The following CNTNAP2 variants were observed in gnomAD, a reference collection of about 807,000 sequenced individuals.
CNTNAP2 encodes the protein contactin-associated protein-like 2.
A neutral mutation model predicts 155.2 loss-of-function variants in CNTNAP2; 98 were observed. That is an observed-to-expected ratio of 0.63 (90% CI 0.54 to 0.75). The LOEUF is 0.75. Among genes scored for constraint, CNTNAP2 ranks in the 30% least tolerant of loss-of-function variants. The pLI, the probability that CNTNAP2 is intolerant of heterozygous loss-of-function variation, is 0.00. For synonymous variants in CNTNAP2, 651 were observed against 631.2 expected, an observed-to-expected ratio of 1.03 and a Z score of -0.47; for missense variants, 1,727 against 1,688.1, an observed-to-expected ratio of 1.02 and a Z score of -0.40.
intron 1 of CNTNAP2, among the ~76,000 whole-genome samples, chr7:146,338,483 C>T (rs979981433): frequency 1.3e-5 from 2 of 152,086 alleles, no homozygotes; most frequent in African/African-American, 4.8e-5. Context: ...GAGGATTACT[C>T]GTAGCCCATC....
At chr7:146,268,601 C>T (rs1387266839) in intron 1 of CNTNAP2, among the ~76,000 whole-genome samples, 1 of 152,054 alleles carries the variant, frequency 6.6e-6, no homozygotes, top group Non-Finnish European at 1.5e-5. Flanking sequence ...TTTCCATCTC[C>T]ACCACCAAAA....
chr7:146,423,651 T>G (rs960850257), intron 1 of CNTNAP2, among the ~76,000 whole-genome samples: 8 of 152,216 alleles, frequency 5.3e-5, no homozygotes, highest in Non-Finnish European at 1.0e-4. Flanking sequence ...CTTGTCCAAA[T>G]GCTCTGCGTC....
At chr7:147,657,683 A>C (rs1008291744) in intron 13 of CNTNAP2, among the ~76,000 whole-genome samples, 3 of 152,204 alleles carry the variant, frequency 2.0e-5, no homozygotes, top group African/African-American at 7.2e-5. Flanking sequence ...TATATGTAGG[A>C]TAAAGGTATA....
At chr7:146,926,872 T>C (rs1004280899) in intron 3 of CNTNAP2, among the ~76,000 whole-genome samples, 1 of 152,162 alleles carries the variant, frequency 6.6e-6, no homozygotes, top group Non-Finnish European at 1.5e-5. Context: ...AAAAATGTGA[T>C]ACATTTTAGA....
At chr7:147,083,673 C>T (rs1800194007) in intron 4 of CNTNAP2, among the ~76,000 whole-genome samples, 1 of 141,252 alleles carries the variant, frequency 7.1e-6, no homozygotes, top group African/African-American at 2.6e-5. Context: ...ATATATAATA[C>T]ATATTATATA....
intron 10 of CNTNAP2, among the ~76,000 whole-genome samples, chr7:147,456,276 A>G (rs1056834681): frequency 6.6e-5 from 10 of 152,140 alleles, no homozygotes; most frequent in African/African-American, 2.4e-4. Context: ...GAGGCCTACA[A>G]CTTGGGGAGA....
At chr7:147,788,882 T>C (rs1797775695) in intron 13 of CNTNAP2, among the ~76,000 whole-genome samples, 2 of 149,650 alleles carry the variant, frequency 1.3e-5, no homozygotes, top group South Asian at 4.2e-4. Flanking sequence ...CAGTAGGATA[T>C]ACTTTTTTTT....
intron 18 of CNTNAP2, among the ~76,000 whole-genome samples, chr7:148,176,354 T>C (rs1019877721): frequency 2.6e-5 from 4 of 151,758 alleles, no homozygotes; most frequent in Admixed American, 6.6e-5. Flanking sequence ...CCCGAGTAGC[T>C]GGGATTACAG....
At chr7:147,116,783 G>A (rs542355543) in intron 5 of CNTNAP2, among the ~76,000 whole-genome samples, 78 of 152,270 alleles carry the variant, frequency 5.1e-4, no homozygotes, top group African/African-American at 1.7e-3. Flanking sequence ...GGCCCCAGCT[G>A]GGAGGTCCCA....
At chr7:146,465,790 A>T (rs1328539132) in intron 1 of CNTNAP2, among the ~76,000 whole-genome samples, 1 of 152,144 alleles carries the variant, frequency 6.6e-6, no homozygotes, top group Non-Finnish European at 1.5e-5. Flanking sequence ...ATGAGAATTT[A>T]TTTGGTTTAT....
chr7:147,078,874 C>T (rs1006774243), intron 4 of CNTNAP2, among the ~76,000 whole-genome samples: 8 of 151,894 alleles, frequency 5.3e-5, no homozygotes, highest in African/African-American at 1.5e-4. Context: ...GTCAGTCTCC[C>T]GAGTAGCTGG....
intron 11 of CNTNAP2, among the ~76,000 whole-genome samples, chr7:147,542,394 T>C (rs1799657334): frequency 6.6e-6 from 1 of 152,080 alleles, no homozygotes; most frequent in African/African-American, 2.4e-5. Context: ...GCAGAGCACC[T>C]GTTGAAATCC....
intron 1 of CNTNAP2, among the ~76,000 whole-genome samples, chr7:146,459,099 C>A (rs576389770): frequency 6.6e-6 from 1 of 152,190 alleles, no homozygotes; most frequent in East Asian, 1.9e-4. Context: ...TCACAGATTC[C>A]CCTCTTAATT....
intron 8 of CNTNAP2, among the ~76,000 whole-genome samples, chr7:147,285,870 C>T (rs1171344260): frequency 6.6e-6 from 1 of 152,030 alleles, no homozygotes; most frequent in Non-Finnish European, 1.5e-5. Context: ...GGGATGACTT[C>T]TTGTCAGATT....
intron 21 of CNTNAP2, among the ~76,000 whole-genome samples, chr7:148,316,137 G>A (rs1378128715): frequency 1.3e-5 from 2 of 152,104 alleles, no homozygotes; most frequent in Non-Finnish European, 2.9e-5. Flanking sequence ...GGGGTTTTCA[G>A]AATAAGGGAG....
chr7:147,522,556 C>T (rs1329964229), intron 11 of CNTNAP2, among the ~76,000 whole-genome samples: 1 of 151,654 alleles, frequency 6.6e-6, no homozygotes, highest in African/African-American at 2.4e-5. Context: ...TTCAAGGGAG[C>T]ATATTAGAAT....
intron 1 of CNTNAP2, among the ~76,000 whole-genome samples, chr7:146,432,031 A>C (rs1796180215): frequency 6.6e-6 from 1 of 152,090 alleles, no homozygotes; most frequent in East Asian, 1.9e-4. Flanking sequence ...CCTACTGAAA[A>C]GTCATTAAGA....
intron 1 of CNTNAP2, among the ~76,000 whole-genome samples, chr7:146,617,329 G>C (rs577404013): frequency 9.9e-5 from 15 of 152,206 alleles, no homozygotes; most frequent in African/African-American, 3.6e-4. Context: ...ATTCAAATGT[G>C]TTGGAACTGA....
chr7:147,440,913 G>T (rs550672778), intron 10 of CNTNAP2, among the ~76,000 whole-genome samples: 1 of 151,974 alleles, frequency 6.6e-6, no homozygotes, highest in Non-Finnish European at 1.5e-5. Context: ...TGAGCTTTTG[G>T]AGTTTGATTA....
Sources: gnomAD v4.1 joint callset for allele counts (sites outside exome capture counted in the v4.1 genomes callset) on GRCh38, gnomAD v4.1.1 for gene constraint, MANE v1.5 for transcripts, NCBI Gene and HGNC (gene_info 2026-07-23, HGNC 2026-07-21) for gene names.